Variants in ZNF469 observed in about 807,000 individuals in gnomAD.
ZNF469 encodes zinc finger protein 469.
Under a neutral mutation model 1.0 loss-of-function variants are expected in ZNF469, and 1 was observed. The observed-to-expected ratio is 1.00, with a 90% CI of 0.35 to 4.73. ZNF469 has a LOEUF of 4.73. ZNF469 is among the 30% of genes most tolerant of loss of function. ZNF469 has a pLI of 0.16. For missense variants in ZNF469, 6,100 were observed against 5,356.3 expected (o/e 1.14, Z -4.33); for synonymous variants, 2,703 against 2,363.4 (o/e 1.14, Z -4.17).
chr16:88,421,135 C>T (rs1905443431), intron 1 of ZNF469, among the ~76,000 whole-genome samples: 1 of 150,724 alleles, frequency 6.6e-6, no homozygotes, highest in South Asian at 2.1e-4. Context: ...GGGTTGGGAG[C>T]AGCGGCCAGG....
the ZNF469 span, among the ~76,000 whole-genome samples, chr16:88,318,790 A>T: frequency 6.6e-6 from 1 of 152,222 alleles, no homozygotes; most frequent in South Asian, 2.1e-4. Flanking sequence ...GTCTGTGCAG[A>T]AGGACCACTG....
chr16:88,381,973 C>T (rs369569244), upstream of ZNF469, among the ~76,000 whole-genome samples: 143 of 152,354 alleles, frequency 9.4e-4, no homozygotes, highest in African/African-American at 3.3e-3. Context: ...CTTGAACTTG[C>T]GTAAGTAAAG....
chr16:88,285,663 G>T, the ZNF469 span, among the ~76,000 whole-genome samples: 2 of 152,252 alleles, frequency 1.3e-5, no homozygotes, highest in East Asian at 1.9e-4. Context: ...GCGTCGGCAC[G>T]GTGGGGAGGT....
the ZNF469 span, among the ~76,000 whole-genome samples, chr16:88,222,777 A>G: frequency 5.9e-5 from 9 of 151,666 alleles, no homozygotes; most frequent in African/African-American, 2.2e-4. Context: ...AAACAAAAAC[A>G]TTCTAGAGAC....
chr16:88,367,760 G>A, the ZNF469 span, among the ~76,000 whole-genome samples: 39 of 152,246 alleles, frequency 2.6e-4, no homozygotes, highest in East Asian at 2.9e-3. Context: ...CACTGGCTCC[G>A]GTCCCTGGGG....
the ZNF469 span, among the ~76,000 whole-genome samples, chr16:88,200,871 G>A: frequency 2.0e-5 from 3 of 152,236 alleles, no homozygotes; most frequent in African/African-American, 4.8e-5. Context: ...CACTCAGGTC[G>A]CGTTCCTCCG....
the ZNF469 span, among the ~76,000 whole-genome samples, chr16:88,135,301 C>T: frequency 2.0e-5 from 3 of 152,258 alleles, no homozygotes; most frequent in African/African-American, 4.8e-5. Context: ...CATCATTTGT[C>T]GTCTGCTTTG....
chr16:88,157,965 T>G, the ZNF469 span, among the ~76,000 whole-genome samples: 1 of 152,042 alleles, frequency 6.6e-6, no homozygotes, highest in African/African-American at 2.4e-5. Flanking sequence ...AAGACCTGGA[T>G]GCCACACGAG....
the ZNF469 span, among the ~76,000 whole-genome samples, chr16:88,334,875 A>C: frequency 6.6e-6 from 1 of 151,030 alleles, no homozygotes; most frequent in Non-Finnish European, 1.5e-5. Context: ...GGAGCCGTGA[A>C]GGAAGATGCC....
the ZNF469 span, among the ~76,000 whole-genome samples, chr16:88,201,521 C>T: frequency 6.6e-6 from 1 of 152,010 alleles, no homozygotes; most frequent in East Asian, 1.9e-4. The surrounding 1 kb of genome is among the most constrained non-coding windows in gnomAD (Gnocchi z 5.0). Flanking sequence ...TGCCACTGCA[C>T]TCCAGCCTGA....
chr16:88,436,559 G>C lies in ZNF469; in HGVS notation c.9089G>C (p.Gly3030Ala). Residue 3030 changes from glycine to alanine, a missense_variant, in exon 3 of 3, where the codon GGT becomes GCT. Gly to Ala is a moderately conservative substitution (Grantham distance 60, BLOSUM62 0). Transcript: ENST00000565624. The stretch of plus-strand genomic sequence containing the variant: ...AGCCTGGAGAGAGAACGCTGTGACG[G>C]TGGGCTTCCCGGGAACACCCACCTG... ...PPSLERERCD[G>A]GLPGNTHLLP... 1 of 1,549,780 alleles carries C rather than the reference G, an allele frequency of 6.5e-7. No homozygotes were observed. Among genetic ancestry groups the C allele is most frequent in the Non-Finnish European group, 8.7e-7 (1 of 1,146,956 alleles).
At chr16:88,200,432 C>G in the ZNF469 span, among the ~76,000 whole-genome samples, 3 of 152,202 alleles carry the variant, frequency 2.0e-5, no homozygotes, top group Non-Finnish European at 4.4e-5. Flanking sequence ...CAGAAGGGAC[C>G]GCACCTGCCC....
intron 1 of ZNF469, among the ~76,000 whole-genome samples, chr16:88,398,301 G>C (rs12934637): frequency 0.67 from 102,124 of 152,106 alleles, 34,886 homozygotes; most frequent in African/African-American, 0.79. Flanking sequence ...GATGAAGGGC[G>C]ACGTGAGTCA....
At chr16:88,200,586 C>A in the ZNF469 span, among the ~76,000 whole-genome samples, 1 of 152,248 alleles carries the variant, frequency 6.6e-6, no homozygotes, top group Non-Finnish European at 1.5e-5. Flanking sequence ...CCTGCTCCGC[C>A]TAAGCTGCTG....
intron 1 of ZNF469, among the ~76,000 whole-genome samples, chr16:88,394,566 G>C (rs1023766287): frequency 6.6e-6 from 1 of 152,174 alleles, no homozygotes; most frequent in Admixed American, 6.5e-5. Context: ...CACCTTGAAG[G>C]ACAGGCCTGT....
chr16:88,419,694 G>A (rs1016633044), intron 1 of ZNF469, among the ~76,000 whole-genome samples: 5 of 152,156 alleles, frequency 3.3e-5, no homozygotes, highest in East Asian at 3.9e-4. Context: ...CCTCCTCAAC[G>A]TTCCTCCAAC....
At chr16:88,282,217 A>G in the ZNF469 span, among the ~76,000 whole-genome samples, 1 of 152,128 alleles carries the variant, frequency 6.6e-6, no homozygotes, top group African/African-American at 2.4e-5. Context: ...CATTTGGGAG[A>G]CACAGCTCAG....
the ZNF469 span, among the ~76,000 whole-genome samples, chr16:88,290,084 C>T: frequency 6.6e-6 from 1 of 152,182 alleles, no homozygotes; most frequent in Admixed American, 6.5e-5. Flanking sequence ...CGATGGACAT[C>T]GTGGGTGAGC....
chr16:88,358,659 C>T, the ZNF469 span, among the ~76,000 whole-genome samples: 55 of 152,146 alleles, frequency 3.6e-4, 1 homozygote, highest in Admixed American at 1.1e-3. Flanking sequence ...TCCTGGGGTG[C>T]GTAGCATTCC....
Sources: allele counts gnomAD v4.1 joint callset (sites outside exome capture counted in the v4.1 genomes callset), GRCh38; gene constraint gnomAD v4.1.1; non-coding constraint Gnocchi (gnomAD v3.1); transcripts MANE v1.5; gene names NCBI Gene and HGNC (gene_info 2026-07-23, HGNC 2026-07-21).